Variants in DNER observed in about 807,000 individuals in gnomAD.
The protein encoded by DNER is delta/notch like EGF repeat containing, also known as delta and Notch-like epidermal growth factor-related receptor.
A neutral mutation model predicts 78.2 loss-of-function variants in DNER; 33 were observed. That is an observed-to-expected ratio of 0.42 (90% confidence interval 0.32 to 0.56). The LOEUF (loss-of-function observed/expected upper bound fraction) is 0.56. DNER is among the 20% of genes least tolerant of loss of function. The pLI, the probability that DNER is intolerant of heterozygous loss-of-function variation, is 0.11. For missense variants in DNER, 918 were observed against 975.3 expected, an observed-to-expected ratio of 0.94 and a Z score of 0.78; for synonymous variants, 417 against 384.8, an observed-to-expected ratio of 1.08 and a Z score of -0.98.
intron 4 of DNER, among the ~76,000 whole-genome samples, chr2:229,572,303 A>G (rs1385945856): frequency 6.6e-5 from 10 of 152,154 alleles, no homozygotes; most frequent in Non-Finnish European, 1.3e-4. Context: ...TAGACCCTAA[A>G]TGGACTGTAC....
intron 6 of DNER, among the ~76,000 whole-genome samples, chr2:229,494,009 G>T (rs894896108): frequency 6.6e-6 from 1 of 152,044 alleles, no homozygotes; most frequent in African/African-American, 2.4e-5. Flanking sequence ...ATATAACTTC[G>T]GGCAATAAGC....
chr2:229,654,377 T>C (rs1371085128), intron 1 of DNER, among the ~76,000 whole-genome samples: 1 of 152,186 alleles, frequency 6.6e-6, no homozygotes, highest in Non-Finnish European at 1.5e-5. Flanking sequence ...CTATTCACAA[T>C]AGCAAAGACT....
intron 1 of DNER, among the ~76,000 whole-genome samples, chr2:229,682,121 C>T (rs570683896): frequency 3.1e-4 from 47 of 152,182 alleles, no homozygotes; most frequent in African/African-American, 1.1e-3. Flanking sequence ...TGAAGGCCAC[C>T]GCTGAAGGCT....
chr2:229,487,661 G>C (rs189819281), intron 6 of DNER, among the ~76,000 whole-genome samples: 1 of 152,134 alleles, frequency 6.6e-6, no homozygotes, highest in Admixed American at 6.5e-5. Context: ...AGTTTTTGTA[G>C]TAAATCAAAC....
At chr2:229,651,780 G>A (rs1026918956) in intron 1 of DNER, among the ~76,000 whole-genome samples, 1 of 152,190 alleles carries the variant, frequency 6.6e-6, no homozygotes, top group Admixed American at 6.5e-5. Flanking sequence ...AAAGGAACAT[G>A]AGGAAGCAAC....
chr2:229,673,326 G>A (rs1421146311), intron 1 of DNER, among the ~76,000 whole-genome samples: 1 of 151,890 alleles, frequency 6.6e-6, no homozygotes, highest in Non-Finnish European at 1.5e-5. Context: ...GTCCACTACA[G>A]CTCATCCTGA....
At chr2:229,609,466 T>C (rs1252056458) in intron 1 of DNER, among the ~76,000 whole-genome samples, 1 of 152,212 alleles carries the variant, frequency 6.6e-6, no homozygotes, top group South Asian at 2.1e-4. Context: ...TCAGTGCCCA[T>C]CAATAAAGCT....
intron 6 of DNER, among the ~76,000 whole-genome samples, chr2:229,503,489 G>A (rs1439638339): frequency 6.6e-5 from 10 of 152,172 alleles, no homozygotes; most frequent in Admixed American, 5.2e-4. Context: ...CTATCATCTC[G>A]AAAGAGTCTC....
chr2:229,519,686 G>A (rs924186064), intron 5 of DNER, among the ~76,000 whole-genome samples: 1 of 152,236 alleles, frequency 6.6e-6, no homozygotes, highest in Non-Finnish European at 1.5e-5. Flanking sequence ...TTACTGTGAT[G>A]GCCTCGGGTT....
rs1465449053 is a variant in DNER, at chr2:229,714,174, C to A, written c.250G>T (p.Ala84Ser). 3 of 1,330,440 alleles carry A rather than the reference C, an allele frequency of 2.3e-6. No individual in the cohort carries two copies. The highest frequency in any genetic ancestry group is 2.9e-6 in the Non-Finnish European group (3 of 1,045,274). The allele number at this position is 1,330,440 out of a possible 1,614,324, so 82.4% of individuals were successfully genotyped here. The change falls in exon 1 of 13, where the codon GCC becomes TCC. Residue 84 changes from alanine to serine, a missense_variant. Ala to Ser is a moderately conservative substitution (Grantham distance 99, BLOSUM62 1). Transcript: ENST00000341772. ...GEPGYSCTCP[A>S]GISGANCQLV... is the part of the protein sequence containing the mutation. ...TGGCAGTTGGCGCCGGAGATCCCGGCGGGGCAGGTGCAGCTGTAGCCAGGC... is the reference window on the plus strand; with the variant it reads ...TGGCAGTTGGCGCCGGAGATCCCGGAGGGGCAGGTGCAGCTGTAGCCAGGC...
At position 229,714,177 on chromosome 2, in the gene DNER, G is replaced by C; in HGVS notation, c.247C>G (p.Pro83Ala). ...CAGTTGGCGCCGGAGATCCCGGCGG[G>C]GCAGGTGCAGCTGTAGCCAGGCTCG... ...AGEPGYSCTC[P>A]AGISGANCQL... The change falls in exon 1 of 13, where the codon CCC (proline) becomes GCC (alanine). Residue 83 changes from proline (P) to alanine (A), a missense_variant. By Grantham distance (27) the Pro-to-Ala change is conservative (BLOSUM62 -1). Coordinates refer to ENST00000341772, the MANE Select transcript of DNER (RefSeq NM_139072.4). The C allele has an allele frequency of 7.5e-7, 1 of 1,340,950 alleles. No homozygotes were observed. Among genetic ancestry groups the C allele is most frequent in the Non-Finnish European group, 9.5e-7 (1 of 1,051,488 alleles). 83.1% of individuals were successfully genotyped at this position (1,340,950 alleles called of 1,614,324 possible).
At chr2:229,483,257 A>T (rs535065544) in intron 6 of DNER, among the ~76,000 whole-genome samples, 1 of 152,348 alleles carries the variant, frequency 6.6e-6, no homozygotes, top group South Asian at 2.1e-4. Context: ...GTCAAGAACC[A>T]CAGTTAGCTT....
At chr2:229,479,712 C>CAAAAAA (rs1023070502) in intron 6 of DNER, among the ~76,000 whole-genome samples, 1 of 79,790 alleles carries the variant, frequency 1.3e-5, no homozygotes, top group Non-Finnish European at 2.7e-5. Context: ...GACTTTGTCT[C>CAAAAAA]AAAAAAAAAA....
intron 1 of DNER, among the ~76,000 whole-genome samples, chr2:229,694,867 C>T (rs1699637262): frequency 6.6e-6 from 1 of 152,102 alleles, no homozygotes; most frequent in Non-Finnish European, 1.5e-5. Context: ...GTTGGGAAGG[C>T]ATGATTGTGT....
At chr2:229,500,563 C>G (rs576636219) in intron 6 of DNER, among the ~76,000 whole-genome samples, 1 of 152,106 alleles carries the variant, frequency 6.6e-6, no homozygotes, top group Non-Finnish European at 1.5e-5. Context: ...ATCAGTATTT[C>G]GAGGTGATAT....
intron 1 of DNER, among the ~76,000 whole-genome samples, chr2:229,648,502 C>T (rs888951206): frequency 2.0e-5 from 3 of 152,276 alleles, no homozygotes; most frequent in African/African-American, 2.4e-5. Flanking sequence ...AATAACTGTT[C>T]GCTTTTTGTA....
At chr2:229,684,136 C>A (rs4446063) in intron 1 of DNER, among the ~76,000 whole-genome samples, 4 of 73,382 alleles carry the variant, frequency 5.5e-5, no homozygotes, top group East Asian at 3.9e-4. Context: ...GTGTGTGTGT[C>A]TGTGTATGTG....
chr2:229,459,470 A>T (rs1694645372), intron 7 of DNER, among the ~76,000 whole-genome samples: 1 of 152,122 alleles, frequency 6.6e-6, no homozygotes, highest in Admixed American at 6.5e-5. Context: ...TACATACGGG[A>T]CATTATGCCG....
At chr2:229,419,222 A>G (rs1693712548) in intron 8 of DNER, among the ~76,000 whole-genome samples, 1 of 152,212 alleles carries the variant, frequency 6.6e-6, no homozygotes, top group African/African-American at 2.4e-5. Context: ...ACAGGTGTTT[A>G]TTCTAAAGGA....
Sources: gnomAD v4.1 joint callset for allele counts (sites outside exome capture counted in the v4.1 genomes callset) on GRCh38, gnomAD v4.1.1 for gene constraint, MANE v1.5 for transcripts, NCBI Gene and HGNC (gene_info 2026-07-23, HGNC 2026-07-21) for gene names.